The following SPIDR variants were observed in gnomAD, a reference collection of about 807,000 sequenced individuals.
SPIDR encodes DNA repair-scaffolding protein.
A neutral mutation model predicts 104.6 loss-of-function variants in SPIDR; 93 were observed. That is an observed-to-expected ratio of 0.89 (90% CI 0.75 to 1.06). The LOEUF is 1.06. Among genes scored for constraint, SPIDR ranks in the 50% least tolerant of loss-of-function variants. The pLI is 0.00. For missense variants in SPIDR, 1,154 were observed against 1,111.2 expected, an observed-to-expected ratio of 1.04 and a Z score of -0.55; for synonymous variants, 431 against 416.9, an observed-to-expected ratio of 1.03 and a Z score of -0.41.
At chr8:47,642,601 G>T (rs1279103669) in intron 10 of SPIDR, among the ~76,000 whole-genome samples, 1 of 152,048 alleles carries the variant, frequency 6.6e-6, no homozygotes, top group Non-Finnish European at 1.5e-5. Context: ...AATAAAAGAG[G>T]AAACTTTAGG....
At position 47,595,906 on chromosome 8, in the gene SPIDR, G is replaced by A; in HGVS notation, c.1193G>A (p.Cys398Tyr). ...GCCAAAGAAGATTCAGAAAAAACTT[G>A]TGAAGTGTACTGTCCGGACATACCC... ...VVAKEDSEKT[C>Y]EVYCPDIPLP... The change falls in exon 9 of 20, where the codon TGT becomes TAT. Residue 398 changes from cysteine to tyrosine, a missense_variant. Coordinates refer to ENST00000297423, the MANE Select transcript of SPIDR (RefSeq NM_001080394.4). 1 of 1,614,190 alleles carries A rather than the reference G, an allele frequency of 6.2e-7. No individual in the cohort carries two copies. Among genetic ancestry groups the A allele is most frequent in the Non-Finnish European group, 8.5e-7 (1 of 1,180,034 alleles).
Position 47,638,260 on chromosome 8 carries a change from G to A in SPIDR, c.1545-35541G>A, listed in dbSNP as rs558487660. 4.8e-4 allele frequency among the ~76,000 whole-genome samples: 73 copies of A among 151,968 alleles called. 1 individual carries two copies. The highest frequency in any genetic ancestry group is 1.7e-3 in the African/African-American group (72 of 41,444). The stretch of plus-strand genomic sequence containing the variant: ...GACCTGGCTCCTTTTTTTCAAGAAT[G>A]GTATTAGATACCAAGAGGTACAAGA... On this transcript the variant is annotated intron_variant, in intron 10 of 19. Coordinates refer to ENST00000297423, the MANE Select transcript of SPIDR (RefSeq NM_001080394.4).
intron 7 of SPIDR, among the ~76,000 whole-genome samples, chr8:47,411,381 G>A (rs1480906736): frequency 2.6e-5 from 4 of 152,128 alleles, no homozygotes; most frequent in African/African-American, 4.8e-5. Context: ...ATCTCATTGT[G>A]GTTTCGATTT....
At chr8:47,604,467 G>A (rs911987460) in intron 10 of SPIDR, among the ~76,000 whole-genome samples, 13 of 152,196 alleles carry the variant, frequency 8.5e-5, no homozygotes, top group African/African-American at 3.1e-4. Context: ...CAGGGGTTTA[G>A]TAAGATGGGC....
rs374806912 is a variant in SPIDR, at chr8:47,295,698, G to A, written c.525+1668G>A. Among the ~76,000 whole-genome samples, 47 of 151,924 alleles carry A rather than the reference G, an allele frequency of 3.1e-4. No individual in the cohort carries two copies. The East Asian group carries it at 4.2e-3, about 14-fold the overall frequency. On this transcript the variant is annotated intron_variant, in intron 5 of 19. Coordinates refer to ENST00000297423, the MANE Select transcript of SPIDR (RefSeq NM_001080394.4). ...TATACTATATTTACTTTATGCATTC[G>A]TCTAGACACCTAGATTGCTTCCAAA...
At chr8:47,324,198 T>G (rs1210148331) in intron 5 of SPIDR, among the ~76,000 whole-genome samples, 1 of 152,188 alleles carries the variant, frequency 6.6e-6, no homozygotes, top group African/African-American at 2.4e-5. Flanking sequence ...TTATATGTAT[T>G]GAGTATCTTG....
intron 5 of SPIDR, among the ~76,000 whole-genome samples, chr8:47,342,328 CTTTTTTTTTTTT>C (rs11357859): frequency 2.6e-4 from 18 of 68,916 alleles, no homozygotes; most frequent in South Asian, 6.8e-4. Context: ...TTTCAAAGGT[CTTTTTTTTTTTT>C]TTTTTTTTTT....
At chr8:47,273,383 G>A (rs2035726804) in intron 1 of SPIDR, among the ~76,000 whole-genome samples, 1 of 152,160 alleles carries the variant, frequency 6.6e-6, no homozygotes, top group African/African-American at 2.4e-5. Context: ...GATGGATAGA[G>A]CAAGACATGG....
chr8:47,714,847 A>G (rs2082340411), intron 16 of SPIDR, among the ~76,000 whole-genome samples: 1 of 152,168 alleles, frequency 6.6e-6, no homozygotes, highest in Non-Finnish European at 1.5e-5. Context: ...CAATTATTAA[A>G]CAAGGCTGTA....
At chr8:47,624,758 CA>C (rs1197187298) in intron 10 of SPIDR, among the ~76,000 whole-genome samples, 1 of 151,984 alleles carries the variant, frequency 6.6e-6, no homozygotes, top group East Asian at 1.9e-4. Context: ...CCTTACCAAC[CA>C]AAAAAAGTCC....
chr8:47,462,429 G>A (rs1040932327), intron 8 of SPIDR, among the ~76,000 whole-genome samples: 3 of 152,084 alleles, frequency 2.0e-5, no homozygotes, highest in African/African-American at 7.2e-5. Context: ...GCGAGTCTCT[G>A]TGAGCTGCTG....
rs34106189 is a variant in SPIDR, at chr8:47,368,343, C to CA, written c.526-27992dup. ...ACAGAGTCAGAAGGAGTTGAGAAGT[C>CA]AAAAAAAAAAAAAAAAAAAAAAAAA... On this transcript the variant is annotated intron_variant, in intron 5 of 19. Transcript: ENST00000297423. Among the ~76,000 whole-genome samples the CA allele has an allele frequency of 6.1e-4, 30 of 49,420 alleles. 4 individuals are homozygous for CA. The highest frequency in any genetic ancestry group is 1.0e-3 in the African/African-American group (10 of 9,834). 32.4% of individuals were successfully genotyped at this position (49,420 alleles called of 152,430 possible). A position where few individuals can be genotyped will look rare whatever the true frequency, so the allele number is the denominator to read the frequency against.
At chr8:47,676,942 C>G (rs1425864550) in intron 11 of SPIDR, among the ~76,000 whole-genome samples, 1 of 152,254 alleles carries the variant, frequency 6.6e-6, no homozygotes, top group Non-Finnish European at 1.5e-5. Context: ...GCTTTTGTTT[C>G]TCTGACGGAC....
At chr8:47,435,522 C>T (rs2068134824) in intron 7 of SPIDR, among the ~76,000 whole-genome samples, 2 of 152,168 alleles carry the variant, frequency 1.3e-5, no homozygotes, top group African/African-American at 4.8e-5. Context: ...ATAGAAATTA[C>T]TAGATCTCTT....
intron 8 of SPIDR, among the ~76,000 whole-genome samples, chr8:47,559,378 A>G (rs2056782254): frequency 1.3e-5 from 2 of 152,128 alleles, no homozygotes; most frequent in African/African-American, 2.4e-5. Flanking sequence ...TCTTCCTTAC[A>G]TATGTGTGTT....
intron 8 of SPIDR, among the ~76,000 whole-genome samples, chr8:47,476,525 T>G (rs2076310282): frequency 1.3e-5 from 2 of 152,016 alleles, no homozygotes; most frequent in Non-Finnish European, 2.9e-5. Flanking sequence ...AGTCACACAG[T>G]TCCCCGCAGG....
intron 8 of SPIDR, among the ~76,000 whole-genome samples, chr8:47,453,401 A>T (rs1182264018): frequency 6.6e-6 from 1 of 152,196 alleles, no homozygotes; most frequent in African/African-American, 2.4e-5. Context: ...GGGAGCCCGC[A>T]TTGCCAAGAG....
chr8:47,484,572 G>C (rs1294044284), intron 8 of SPIDR, among the ~76,000 whole-genome samples: 2 of 152,190 alleles, frequency 1.3e-5, no homozygotes, highest in African/African-American at 4.8e-5. Flanking sequence ...TAGGTTTCCT[G>C]AGGCTCAGTT....
intron 3 of SPIDR, among the ~76,000 whole-genome samples, chr8:47,290,015 A>G (rs926171839): frequency 1.3e-5 from 2 of 152,144 alleles, no homozygotes; most frequent in Non-Finnish European, 2.9e-5. Flanking sequence ...AAAAAGTTAC[A>G]TAGTGATTTT....
Sources: allele counts gnomAD v4.1 joint callset (sites outside exome capture counted in the v4.1 genomes callset), GRCh38; gene constraint gnomAD v4.1.1; transcripts MANE v1.5; gene names NCBI Gene and HGNC (gene_info 2026-07-23, HGNC 2026-07-21).